The following KCNIP4 variants were observed in gnomAD, a reference collection of about 807,000 sequenced individuals.
KCNIP4 encodes the protein potassium voltage-gated channel interacting protein 4.
In KCNIP4, 12 loss-of-function variants were observed where a neutral mutation model predicts 34.0. The observed-to-expected ratio is 0.35, with a 90% CI of 0.23 to 0.57. The LOEUF (loss-of-function observed/expected upper bound fraction) is 0.57, where lower values mean the gene tolerates loss of function less well. Among genes scored for constraint, KCNIP4 ranks in the 20% least tolerant of loss-of-function variants. The pLI, the probability that KCNIP4 is intolerant of heterozygous loss-of-function variation, is 0.83. For synonymous variants in KCNIP4, 124 were observed against 102.2 expected (o/e 1.21, Z -1.29); for missense variants, 238 against 311.7 (o/e 0.76, Z 1.78).
chr4:21,808,591 G>A (rs1238523039), intron 1 of KCNIP4, among the ~76,000 whole-genome samples: 2 of 152,058 alleles, frequency 1.3e-5, no homozygotes, highest in African/African-American at 2.4e-5. Context: ...AGTTTTGAGG[G>A]GGAGTCAAAA....
intron 3 of KCNIP4, among the ~76,000 whole-genome samples, chr4:20,811,491 A>G (rs1273193712): frequency 1.4e-5 from 2 of 147,514 alleles, no homozygotes; most frequent in African/African-American, 5.0e-5. Context: ...GTGTGTGTGC[A>G]TGTGTGTGTG....
intron 1 of KCNIP4, among the ~76,000 whole-genome samples, chr4:21,511,236 A>G (rs1056686695): frequency 2.6e-5 from 4 of 152,170 alleles, no homozygotes; most frequent in Non-Finnish European, 5.9e-5. Context: ...GAAACAGTGT[A>G]TTAAAGAAAT....
intron 1 of KCNIP4, among the ~76,000 whole-genome samples, chr4:20,905,522 T>TTTTTTTTTTTTTTTTTTTTTTTTG (rs768668990): frequency 3.4e-4 from 38 of 111,244 alleles, no homozygotes; most frequent in Non-Finnish European, 4.6e-4. Context: ...TTTTTTTTTT[T>TTTTTTTTTTTTTTTTTTTTTTTTG]TTTGTTTGAG....
At chr4:21,911,837 T>C (rs529126664) in intron 1 of KCNIP4, among the ~76,000 whole-genome samples, 8 of 152,252 alleles carry the variant, frequency 5.3e-5, no homozygotes, top group African/African-American at 1.9e-4. Context: ...TTCATCATCA[T>C]TGCCTGTTCG....
chr4:21,251,479 G>C (rs957693405), intron 1 of KCNIP4, among the ~76,000 whole-genome samples: 1 of 152,022 alleles, frequency 6.6e-6, no homozygotes, highest in Non-Finnish European at 1.5e-5. Flanking sequence ...TTAATCACTA[G>C]AGTGTTTGTT....
At chr4:21,889,845 A>G (rs1270757873) in intron 1 of KCNIP4, among the ~76,000 whole-genome samples, 1 of 152,156 alleles carries the variant, frequency 6.6e-6, no homozygotes, top group Non-Finnish European at 1.5e-5. Context: ...CTATGTACTC[A>G]GTAATGCCAT....
chr4:20,893,417 C>A (rs537623099), intron 1 of KCNIP4, among the ~76,000 whole-genome samples: 3 of 151,922 alleles, frequency 2.0e-5, no homozygotes, highest in African/African-American at 4.8e-5. Flanking sequence ...CATCACTGAG[C>A]CTCTGTTTTT....
intron 1 of KCNIP4, among the ~76,000 whole-genome samples, chr4:21,837,548 G>GAAAAAAAAAAAAAAAAAAAAAAAAA (rs1723422969): frequency 1.7e-5 from 1 of 57,536 alleles, no homozygotes. Context: ...AAAAAAAAAA[G>GAAAAAAAAAAAAAAAAAAAAAAAAA]AAAAAGAAAA....
intron 1 of KCNIP4, among the ~76,000 whole-genome samples, chr4:21,419,490 TCTC>T (rs1725260969): frequency 6.6e-6 from 1 of 152,188 alleles, no homozygotes; most frequent in South Asian, 2.1e-4. Context: ...AGGTGTTGCT[TCTC>T]CACCTATAAC....
chr4:21,425,344 G>A lies in KCNIP4; in HGVS notation c.61+523227C>T, dbSNP rs900697413. ...CATTAAACATTTTGACTTGTTAGGG[G>A]ACAACTAAAACTGTCTGCGATAATA... On this transcript the variant is annotated intron_variant, in intron 1 of 8. Coordinates refer to ENST00000382152, the MANE Select transcript of KCNIP4 (RefSeq NM_025221.6). Among the ~76,000 whole-genome samples the A allele has an allele frequency of 1.1e-4, 17 of 152,014 alleles. 1 individual carries two copies. The highest frequency in any genetic ancestry group is 2.4e-5 in the African/African-American group (1 of 41,400).
chr4:21,697,264 T>TAGTG lies in KCNIP4; in HGVS notation c.61+251306_61+251307insCACT, dbSNP rs200176091. On this transcript the variant is annotated intron_variant, in intron 1 of 8. Coordinates refer to ENST00000382152, the MANE Select transcript of KCNIP4 (RefSeq NM_025221.6). ...ATTAAAAATAATCACAACAAAGAAATAGCCTTTCCTATTCCATTTCAACTT... is the reference window on the plus strand; with the variant it reads ...ATTAAAAATAATCACAACAAAGAAATAGTGAGCCTTTCCTATTCCATTTCAACTT... 2,000 of 1,328,524 alleles carry TAGTG rather than the reference T, an allele frequency of 1.5e-3. 14 individuals carry two copies. The African/African-American group carries it at 0.025, about 17-fold the overall frequency. The allele number at this position is 1,328,524 out of a possible 1,614,324, so 82.3% of individuals were successfully genotyped here.
At chr4:21,914,004 C>T (rs1161198487) in intron 1 of KCNIP4, among the ~76,000 whole-genome samples, 2 of 152,092 alleles carry the variant, frequency 1.3e-5, no homozygotes, top group Admixed American at 1.3e-4. Flanking sequence ...ATGAAAGTTT[C>T]AGTGTAGAGA....
At chr4:21,013,418 G>T (rs1301925762) in intron 1 of KCNIP4, among the ~76,000 whole-genome samples, 1 of 152,090 alleles carries the variant, frequency 6.6e-6, no homozygotes, top group East Asian at 1.9e-4. Context: ...TACAGGCAGG[G>T]TTAAATTCCC....
intron 1 of KCNIP4, among the ~76,000 whole-genome samples, chr4:21,647,863 C>CTT (rs10539950): frequency 1.7e-4 from 10 of 60,178 alleles, no homozygotes; most frequent in Non-Finnish European, 2.6e-4. Flanking sequence ...TACAATGATG[C>CTT]TTTTTTTTTT....
intron 2 of KCNIP4, among the ~76,000 whole-genome samples, chr4:20,856,438 C>A (rs911388476): frequency 2.6e-5 from 4 of 152,182 alleles, no homozygotes; most frequent in African/African-American, 9.6e-5. Flanking sequence ...ACCCCCTGGT[C>A]ATCGTTCCCA....
chr4:21,403,911 G>A (rs934676221), intron 1 of KCNIP4, among the ~76,000 whole-genome samples: 5 of 152,180 alleles, frequency 3.3e-5, no homozygotes, highest in Non-Finnish European at 5.9e-5. Flanking sequence ...CCATCCATGA[G>A]GGTGGAGAAC....
At chr4:20,869,713 G>A (rs1723243613) in intron 2 of KCNIP4, among the ~76,000 whole-genome samples, 1 of 152,000 alleles carries the variant, frequency 6.6e-6, no homozygotes, top group Admixed American at 6.6e-5. Context: ...TTGAATTACT[G>A]GCAGGCAGTA....
At chr4:21,173,332 A>G (rs1428674137) in intron 1 of KCNIP4, among the ~76,000 whole-genome samples, 1 of 152,148 alleles carries the variant, frequency 6.6e-6, no homozygotes, top group Non-Finnish European at 1.5e-5. Flanking sequence ...ACTAAAGCTC[A>G]TAGGTTAGAT....
At chr4:20,972,678 G>A (rs905525035) in intron 1 of KCNIP4, among the ~76,000 whole-genome samples, 1 of 152,106 alleles carries the variant, frequency 6.6e-6, no homozygotes, top group African/African-American at 2.4e-5. Flanking sequence ...GACCCAAAGA[G>A]TGAGCAACAG....
Sources: gnomAD v4.1 joint callset for allele counts (sites outside exome capture counted in the v4.1 genomes callset) on GRCh38, gnomAD v4.1.1 for gene constraint, MANE v1.5 for transcripts, NCBI Gene and HGNC (gene_info 2026-07-23, HGNC 2026-07-21) for gene names.